ASNSD1: variants seen among roughly 807,000 people sequenced by gnomAD.
The protein encoded by ASNSD1 is asparagine synthetase domain containing 1.
Under a neutral mutation model 48.3 loss-of-function variants are expected in ASNSD1, and 36 were observed. That is an observed-to-expected ratio of 0.75 (90% CI 0.57 to 0.99). The LOEUF is 0.99. Ranked by LOEUF, ASNSD1 falls within the 50% of genes least tolerant of loss-of-function variation. The pLI, the probability that ASNSD1 is intolerant of heterozygous loss-of-function variation, is 0.00. For synonymous variants in ASNSD1, 257 were observed against 262.1 expected, an observed-to-expected ratio of 0.98 and a Z score of 0.19; for missense variants, 714 against 758.2, an observed-to-expected ratio of 0.94 and a Z score of 0.69.
rs2032823839 is a variant in ASNSD1 at position 189,667,102 on chromosome 2, A to G, written c.970A>G (p.Ile324Val). 5.6e-6 allele frequency: 9 copies of G among 1,614,194 alleles called. No individual in the cohort carries two copies. The highest frequency in any genetic ancestry group is 1.7e-5 in the Admixed American group (1 of 60,034). The stretch of plus-strand genomic sequence containing the variant: ...GTGTGATAGGAAAGCAAATGTTGCA[A>G]TCCTGTTTTCTGGGGGCATTGATTC... The part of the protein sequence containing the change: ...KTCDRKANVA[I>V]LFSGGIDSMV... The change falls in exon 4 of 6, where the codon ATC (isoleucine) becomes GTC (valine). Residue 324 changes from isoleucine (I) to valine (V), a missense_variant. Ile to Val is a conservative substitution (Grantham distance 29). Transcript: ENST00000260952.
rs139056037 is a variant in ASNSD1, at chr2:189,663,626, G to A, written c.-222-275G>A. Reference sequence around the variant, plus strand: ...ACTGTAGTCCTTGGCATGATTGCTGGTTATGAACACGAAAATCCCTGTCTG... The same window carrying A: ...ACTGTAGTCCTTGGCATGATTGCTGATTATGAACACGAAAATCCCTGTCTG... On this transcript the variant is annotated intron_variant, in intron 1 of 5. Coordinates refer to ENST00000260952, the MANE Select transcript of ASNSD1 (RefSeq NM_019048.4). Among the ~76,000 whole-genome samples the A allele has an allele frequency of 3.5e-3, 531 of 152,288 alleles. 5 individuals are homozygous for A. Among genetic ancestry groups the A allele is most frequent in the Non-Finnish European group, 5.8e-3 (394 of 68,016 alleles).
Position 189,661,523 on chromosome 2 carries a change from G to GTC in ASNSD1, c.-310_-309insTC. The GTC allele has an allele frequency of 1.3e-5, 5 of 399,252 alleles. No homozygotes were observed. The highest frequency in any genetic ancestry group is 2.2e-5 in the Non-Finnish European group (5 of 226,222). 24.7% of individuals were successfully genotyped at this position (399,252 alleles called of 1,614,324 possible). A position where few individuals can be genotyped will look rare whatever the true frequency, so the allele number is the denominator to read the frequency against. On this transcript the variant is annotated 5_prime_UTR_variant, in exon 1 of 6. It introduces an in-frame stop codon into an upstream open reading frame of the 5' UTR. Coordinates refer to ENST00000260952, the MANE Select transcript of ASNSD1 (RefSeq NM_019048.4). ...CGCGTGTCTTGCGCTCGGTGGAAAT[G>GTC]CCCAGCCGAGGGACGCGACCAGAGG...
rs926205893 is a variant in ASNSD1, at chr2:189,667,302, T to C, written c.1170T>C (p.Ala390=). The C allele has an allele frequency of 1.2e-6, 2 of 1,613,982 alleles. No individual in the cohort carries two copies. The highest frequency in any genetic ancestry group is 2.7e-5 in the African/African-American group (2 of 74,936). ...CAGAAGAATTCTCTAAAGATGTTGC[T>C]GCTGCTGCTGCTGACAGTCCTAATA... ...IPSEEFSKDV[A]AAAADSPNKH... The change falls in exon 4 of 6, where the codon GCT becomes GCC. Residue 390 remains alanine (A), a synonymous_variant. Transcript: ENST00000260952.
chr2:189,663,917 T>C lies in ASNSD1; in HGVS notation c.-206T>C, dbSNP rs956796044. ...TTTCAATAGATTAAAGAACAAAAAA[T>C]TGTGGTGGATGAACTTTCTAACCTT... is the stretch of plus-strand genomic sequence containing the variant. On this transcript the variant is annotated 5_prime_UTR_variant, in exon 2 of 6. Coordinates refer to ENST00000260952, the MANE Select transcript of ASNSD1 (RefSeq NM_019048.4). 3 of 388,082 alleles carry C rather than the reference T, an allele frequency of 7.7e-6. No individual in the cohort carries two copies. The highest frequency in any genetic ancestry group is 1.4e-5 in the Non-Finnish European group (3 of 218,594). The allele number at this position is 388,082 out of a possible 1,614,324, so 24.0% of individuals were successfully genotyped here. A position where few individuals can be genotyped will look rare whatever the true frequency, so the allele number is the denominator to read the frequency against.
intron 3 of ASNSD1, among the ~76,000 whole-genome samples, 167 bp downstream of exon 3, chr2:189,665,618 A>ATATATATATG (rs2032779086): frequency 1.8e-5 from 2 of 108,900 alleles, no homozygotes; most frequent in African/African-American, 7.2e-5. Flanking sequence ...ATATATATAT[A>ATATATATATG]TATATATATA....
Position 189,666,154 on chromosome 2 carries a change from G to C in ASNSD1, c.22G>C (p.Val8Leu). 6.3e-7 allele frequency: 1 copy of C among 1,582,500 alleles called. No homozygotes were observed. Among genetic ancestry groups the C allele is most frequent in the Non-Finnish European group, 8.6e-7 (1 of 1,165,800 alleles). ...AACAATGTGTGGCATTTGTTGTTCT[G>C]TAAACTTTTCTGCTGAGCATTTCAG... MCGICCS[V>L]NFSAEHFSQD... Residue 8 changes from valine (V) to leucine (L), a missense_variant, in exon 4 of 6, where the codon GTA becomes CTA. Coordinates refer to ENST00000260952, the MANE Select transcript of ASNSD1 (RefSeq NM_019048.4).
At chr2:189,663,831 C>T (rs2032727540) in intron 1 of ASNSD1, 70 bp from the exon 2 acceptor site, 1 of 365,938 alleles carries the variant, frequency 2.7e-6, no homozygotes, top group African/African-American at 2.1e-5. Context: ...TTAAAACAAC[C>T]CCTTAAGGGA....
Position 189,666,513 on chromosome 2 carries a change from TAGTC to T in ASNSD1, c.383_386del (p.Ser128IlefsTer87). On this transcript the variant is annotated frameshift_variant, in exon 4 of 6. Transcript: ENST00000260952. LOFTEE classifies it high-confidence loss of function. The stretch of plus-strand genomic sequence containing the variant: ...GGTCATTTATATATTATCAAGCATC[TAGTC>T]ATTATTTATGGTTTGGTAGGGATTT... 1 of 1,613,504 alleles carries T rather than the reference TAGTC, an allele frequency of 6.2e-7. No individual in the cohort carries two copies. Among genetic ancestry groups the T allele is most frequent in the Non-Finnish European group, 8.5e-7 (1 of 1,179,830 alleles).
At position 189,666,300 on chromosome 2, in the gene ASNSD1, G is replaced by C. The variant is rs1272514522; in HGVS notation, c.168G>C (p.Leu56Phe). Reference sequence around the variant, plus strand: ...TATTTTCTGCTCACGTCCTACACTTGAGGGGTGTTTTGACTACCCAGCCTG... The same window carrying C: ...TATTTTCTGCTCACGTCCTACACTTCAGGGGTGTTTTGACTACCCAGCCTG... ...QCLFSAHVLH[L>F]RGVLTTQPVE... Residue 56 changes from leucine (L) to phenylalanine (F), a missense_variant, in exon 4 of 6, where the codon TTG (leucine) becomes TTC (phenylalanine). Leu to Phe is a conservative substitution (Grantham distance 22). Coordinates refer to ENST00000260952, the MANE Select transcript of ASNSD1 (RefSeq NM_019048.4). 12 of 1,613,924 alleles carry C rather than the reference G, an allele frequency of 7.4e-6. No individual in the cohort carries two copies. The highest frequency in any genetic ancestry group is 2.2e-5 in the East Asian group (1 of 44,894).
chr2:189,666,689 C>G lies in ASNSD1; in HGVS notation c.557C>G (p.Thr186Ser). ...SGLFRIDLKS[T>S]VISGCIILQL... Reference sequence around the variant, plus strand: ...CTTTTCAGAATTGATCTTAAGTCTACTGTCATTTCCGGATGCATTATTTTA... The same window carrying G: ...CTTTTCAGAATTGATCTTAAGTCTAGTGTCATTTCCGGATGCATTATTTTA... Residue 186 changes from threonine to serine, a missense_variant, in exon 4 of 6, where the codon ACT becomes AGT. Thr to Ser is a moderately conservative substitution (Grantham distance 58). Transcript: ENST00000260952. 6.2e-7 allele frequency: 1 copy of G among 1,612,888 alleles called. No individual in the cohort carries two copies.
rs1366167745 is a variant in ASNSD1 at position 189,666,612 on chromosome 2, C to G, written c.480C>G (p.Gly160=). 6.2e-7 allele frequency: 1 copy of G among 1,614,088 alleles called. No individual in the cohort carries two copies. Among genetic ancestry groups the G allele is most frequent in the Non-Finnish European group, 8.5e-7 (1 of 1,180,014 alleles). Residue 160 remains glycine, a synonymous_variant, in exon 4 of 6, where the codon GGC becomes GGG. Coordinates refer to ENST00000260952, the MANE Select transcript of ASNSD1 (RefSeq NM_019048.4). ...LGKSFCLSSV[G]TQTSGLANQW... ...AGAGTTTCTGCCTCTCTTCAGTTGGCACCCAAACATCTGGATTGGCAAATC... is the reference window on the plus strand; with the variant it reads ...AGAGTTTCTGCCTCTCTTCAGTTGGGACCCAAACATCTGGATTGGCAAATC...
chr2:189,666,100 A>G lies in ASNSD1; in HGVS notation c.-33A>G. ...AATAGAAAACTTAGACAAGACCAAA[A>G]TCAAGAAATAGTCAACCTGATTTCA... On this transcript the variant is annotated 5_prime_UTR_variant, in exon 4 of 6. Transcript: ENST00000260952. 1.3e-6 allele frequency: 2 copies of G among 1,498,696 alleles called. No homozygotes were observed. Among genetic ancestry groups the G allele is most frequent in the South Asian group, 1.5e-5 (1 of 68,874 alleles). 92.8% of individuals were successfully genotyped at this position (1,498,696 alleles called of 1,614,324 possible).
chr2:189,665,389 A>G lies in ASNSD1; in HGVS notation c.-155A>G, dbSNP rs1017908883. On this transcript the variant is annotated 5_prime_UTR_variant, in exon 3 of 6. Coordinates refer to ENST00000260952, the MANE Select transcript of ASNSD1 (RefSeq NM_019048.4). ...TATGTTTTCCAGAAAGTATATAGGCAACAACAGAACAGCAATATATTCTTT... is the reference window on the plus strand; with the variant it reads ...TATGTTTTCCAGAAAGTATATAGGCGACAACAGAACAGCAATATATTCTTT... 1.0e-5 allele frequency: 4 copies of G among 397,512 alleles called. No individual in the cohort carries two copies. The highest frequency in any genetic ancestry group is 8.3e-5 in the African/African-American group (4 of 48,440). 24.6% of individuals were successfully genotyped at this position (397,512 alleles called of 1,614,324 possible).
chr2:189,668,718 A>G (rs1292708101), intron 5 of ASNSD1, among the ~76,000 whole-genome samples: 3 of 152,228 alleles, frequency 2.0e-5, no homozygotes, highest in African/African-American at 7.2e-5. Flanking sequence ...CTTACACTGG[A>G]TATTCCTCTG....
intron 3 of ASNSD1, among the ~76,000 whole-genome samples, 173 bp downstream of exon 3, chr2:189,665,624 ATATATATATATATATATATATATT>A (rs2032780544): frequency 8.2e-6 from 1 of 121,774 alleles, no homozygotes; most frequent in East Asian, 2.2e-4. Flanking sequence ...ATATATATAT[ATATATATATATATATATATATATT>A]ATAAATGTTT....
rs761710598 is a variant in ASNSD1, at chr2:189,670,486, G to A, written c.1692G>A (p.Leu564=). ...ATGTTGTCTCCTTTCTAAATTCTCT[G>A]CCGATTTGGGAAAAAGCAAACTTGA... ...DENVVSFLNS[L]PIWEKANLTL... Residue 564 remains leucine, a synonymous_variant, in exon 6 of 6, where the codon CTG becomes CTA. Transcript: ENST00000260952. 8 of 1,612,530 alleles carry A rather than the reference G, an allele frequency of 5.0e-6. No homozygotes were observed. Among genetic ancestry groups the A allele is most frequent in the East Asian group, 2.2e-5 (1 of 44,834 alleles).
In ASNSD1 at chr2:189,665,894, CTGT is replaced by C. The variant is rs557755286; in HGVS notation, c.-92-142_-92-140del. The stretch of plus-strand genomic sequence containing the variant: ...AAGATAAACATTCTTTATTAGTAGC[CTGT>C]TGTTAATTATCATTGGTACTGGCAC... On this transcript the variant is annotated intron_variant, in intron 3 of 5. Transcript: ENST00000260952. 2.9e-5 allele frequency: 12 copies of C among 417,506 alleles called. No homozygotes were observed. The South Asian group carries it at 1.1e-3, about 37-fold the overall frequency. The allele number at this position is 417,506 out of a possible 1,614,324, so 25.9% of individuals were successfully genotyped here.
rs1349858746 is a variant in ASNSD1, at chr2:189,667,318, A to C, written c.1186A>C (p.Ser396Arg). 1.2e-6 allele frequency: 2 copies of C among 1,614,180 alleles called. No homozygotes were observed. The highest frequency in any genetic ancestry group is 3.3e-5 in the Admixed American group (2 of 60,012). ...AGATGTTGCTGCTGCTGCTGCTGACAGTCCTAATAAACATGTCAGTGTACC... is the reference window on the plus strand; with the variant it reads ...AGATGTTGCTGCTGCTGCTGCTGACCGTCCTAATAAACATGTCAGTGTACC... ...SKDVAAAAAD[S>R]PNKHVSVPDR... The change falls in exon 4 of 6, where the codon AGT becomes CGT. Residue 396 changes from serine (S) to arginine (R), a missense_variant. Transcript: ENST00000260952.
intron 3 of ASNSD1, among the ~76,000 whole-genome samples, 179 bp downstream of exon 3, chr2:189,665,630 A>ATGTGTG (rs1553502080): frequency 1.0e-5 from 1 of 97,546 alleles, no homozygotes; most frequent in Non-Finnish European, 2.2e-5. Flanking sequence ...ATATATATAT[A>ATGTGTG]TATATATATA....
Sources: allele counts gnomAD v4.1 joint callset (sites outside exome capture counted in the v4.1 genomes callset), GRCh38; gene constraint gnomAD v4.1.1; transcripts MANE v1.5; gene names NCBI Gene and HGNC (gene_info 2026-07-23, HGNC 2026-07-21).